Variants in CALD1 observed in about 807,000 individuals in gnomAD.
CALD1 encodes caldesmon 1.
Under a neutral mutation model 99.9 loss-of-function variants are expected in CALD1, and 33 were observed. That is an observed-to-expected ratio of 0.33 (90% CI 0.25 to 0.44). The LOEUF is 0.44. Among genes scored for constraint, CALD1 ranks in the 20% least tolerant of loss-of-function variants. CALD1 has a pLI of 1.00. For synonymous variants in CALD1, 310 were observed against 325.0 expected, an observed-to-expected ratio of 0.95 and a Z score of 0.50; for missense variants, 861 against 962.1, an observed-to-expected ratio of 0.89 and a Z score of 1.39.
At chr7:134,749,436 A>G (rs1053748785) in intron 1 of CALD1, among the ~76,000 whole-genome samples, 4 of 152,218 alleles carry the variant, frequency 2.6e-5, no homozygotes, top group African/African-American at 9.7e-5. Context: ...CCTGGCCAAC[A>G]TGGTGAAACC....
At chr7:134,752,967 A>G (rs113254813) in intron 1 of CALD1, among the ~76,000 whole-genome samples, 8,057 of 146,764 alleles carry the variant, frequency 0.055, 691 homozygotes, top group African/African-American at 0.18. Flanking sequence ...CCGAGACAGC[A>G]CCACTGCACT....
the CALD1 span, among the ~76,000 whole-genome samples, chr7:134,738,096 T>G: frequency 6.6e-6 from 1 of 152,160 alleles, no homozygotes. Context: ...TCCAAGGGTG[T>G]TGGCTTTATG....
chr7:134,881,646 C>T (rs1414846946), intron 3 of CALD1, among the ~76,000 whole-genome samples: 1 of 152,224 alleles, frequency 6.6e-6, no homozygotes, highest in Non-Finnish European at 1.5e-5. Flanking sequence ...TGGTCATGTG[C>T]TGTGTTTCAA....
At chr7:134,906,843 G>A (rs1471383457) in intron 3 of CALD1, among the ~76,000 whole-genome samples, 1 of 152,152 alleles carries the variant, frequency 6.6e-6, no homozygotes, top group Non-Finnish European at 1.5e-5. Flanking sequence ...GGGGGAAGTT[G>A]AGGACTTAAA....
At chr7:134,921,151 T>C (rs574759345) in intron 3 of CALD1, among the ~76,000 whole-genome samples, 2 of 152,362 alleles carry the variant, frequency 1.3e-5, no homozygotes, top group Admixed American at 1.3e-4. Context: ...CCCAAATTCA[T>C]GTCCACACCA....
chr7:134,935,045 C>G (rs892511694), intron 5 of CALD1, among the ~76,000 whole-genome samples: 38 of 152,032 alleles, frequency 2.5e-4, no homozygotes, highest in Non-Finnish European at 3.8e-4. Flanking sequence ...TTGCAGAAAG[C>G]CATTAATTTA....
chr7:134,764,537 GATTA>G (rs1044621452), intron 1 of CALD1, among the ~76,000 whole-genome samples: 98 of 152,224 alleles, frequency 6.4e-4, no homozygotes, highest in African/African-American at 1.9e-3. Flanking sequence ...ATTATTCATT[GATTA>G]ATTAGTTATT....
At chr7:134,833,977 AC>A (rs1387227561) in intron 1 of CALD1, among the ~76,000 whole-genome samples, 3 of 152,240 alleles carry the variant, frequency 2.0e-5, no homozygotes, top group African/African-American at 7.2e-5. Context: ...TTTTTCTTCC[AC>A]GGAAGAAAGA....
chr7:134,878,012 T>C (rs1400762921), intron 3 of CALD1, among the ~76,000 whole-genome samples: 1 of 152,208 alleles, frequency 6.6e-6, no homozygotes, highest in Non-Finnish European at 1.5e-5. Context: ...AAACTCACCA[T>C]ACAGCCTAAG....
chr7:134,853,543 T>C (rs1247547178), intron 2 of CALD1, among the ~76,000 whole-genome samples: 1 of 152,092 alleles, frequency 6.6e-6, no homozygotes. Flanking sequence ...TCTTTTTAGG[T>C]TTCTTCCTAA....
chr7:134,854,501 G>T (rs1800214565), intron 2 of CALD1, among the ~76,000 whole-genome samples: 1 of 152,178 alleles, frequency 6.6e-6, no homozygotes, highest in Non-Finnish European at 1.5e-5. Context: ...AAGACGACAG[G>T]ACTTATAATG....
intron 1 of CALD1, among the ~76,000 whole-genome samples, chr7:134,830,925 G>T (rs1799192597): frequency 6.6e-6 from 1 of 152,106 alleles, no homozygotes; most frequent in South Asian, 2.1e-4. Flanking sequence ...AGAAAATTAT[G>T]ATCAGTTTGA....
intron 2 of CALD1, among the ~76,000 whole-genome samples, chr7:134,855,007 G>C (rs534862939): frequency 1.3e-5 from 2 of 152,116 alleles, no homozygotes; most frequent in Non-Finnish European, 2.9e-5. Context: ...TCCTACTCCC[G>C]CCATGTCAGG....
intron 13 of CALD1, chr7:134,961,506 T>C (rs1010705788): frequency 5.9e-5 from 9 of 152,250 alleles, no homozygotes; most frequent in African/African-American, 2.2e-4. Context: ...TGCCATTTAA[T>C]TGCATTTGTT....
chr7:134,729,101 C>G, the CALD1 span, among the ~76,000 whole-genome samples: 1 of 152,168 alleles, frequency 6.6e-6, no homozygotes, highest in African/African-American at 2.4e-5. Flanking sequence ...ACCTGCCCAC[C>G]TCAGCCTCCC....
At chr7:134,795,971 TA>T (rs1250011245) in intron 1 of CALD1, among the ~76,000 whole-genome samples, 3 of 152,174 alleles carry the variant, frequency 2.0e-5, no homozygotes, top group Admixed American at 1.3e-4. Context: ...GTTTGAGAGT[TA>T]TTTTTGTTTT....
At chr7:134,942,823 C>G (rs1230926990) in intron 7 of CALD1, among the ~76,000 whole-genome samples, 1 of 152,110 alleles carries the variant, frequency 6.6e-6, no homozygotes, top group Non-Finnish European at 1.5e-5. Context: ...AGAAAAAAGT[C>G]TGTTTAACAA....
intron 8 of CALD1, among the ~76,000 whole-genome samples, chr7:134,948,760 T>C (rs1306094736): frequency 6.6e-6 from 1 of 152,158 alleles, no homozygotes; most frequent in African/African-American, 2.4e-5. Flanking sequence ...TTGGATACAT[T>C]ATTTTGAGGT....
the CALD1 span, among the ~76,000 whole-genome samples, chr7:134,718,000 A>G: frequency 2.6e-5 from 4 of 152,326 alleles, no homozygotes; most frequent in South Asian, 2.1e-4. Flanking sequence ...AATACTAACT[A>G]TGTGAATGCT....
Sources: gnomAD v4.1 joint callset for allele counts (sites outside exome capture counted in the v4.1 genomes callset) on GRCh38, gnomAD v4.1.1 for gene constraint, MANE v1.5 for transcripts, NCBI Gene and HGNC (gene_info 2026-07-23, HGNC 2026-07-21) for gene names.